C4orf36: variants seen among roughly 807,000 people sequenced by gnomAD.
The protein encoded by C4orf36 is uncharacterized protein C4orf36.
In C4orf36, 11 loss-of-function variants were observed where a neutral mutation model predicts 12.2. The observed-to-expected ratio is 0.90, with a 90% CI of 0.57 to 1.49. The LOEUF (loss-of-function observed/expected upper bound fraction) is 1.49. C4orf36 is among the 40% of genes most tolerant of loss of function. The pLI is 0.00. For synonymous variants in C4orf36, 54 were observed against 51.3 expected, an observed-to-expected ratio of 1.05 and a Z score of -0.22; for missense variants, 137 against 133.9, an observed-to-expected ratio of 1.02 and a Z score of -0.11.
chr4:86,878,792 T>G (rs1281016453), intron 4 of C4orf36, among the ~76,000 whole-genome samples: 5 of 152,204 alleles, frequency 3.3e-5, no homozygotes, highest in Non-Finnish European at 7.3e-5. Flanking sequence ...GGGGGGCCAC[T>G]GGGAACAAAG....
At chr4:86,927,771 C>G in the C4orf36 span, among the ~76,000 whole-genome samples, 1 of 149,194 alleles carries the variant, frequency 6.7e-6, no homozygotes, top group Non-Finnish European at 1.5e-5. Flanking sequence ...TGCACTCCAG[C>G]CTGGGCAACA....
chr4:86,898,832 TA>T, the C4orf36 span, among the ~76,000 whole-genome samples: 1,220 of 151,978 alleles, frequency 8.0e-3, 42 homozygotes, highest in East Asian at 0.049. Context: ...AAAGTAAAAA[TA>T]AAAATTTAAA....
the C4orf36 span, chr4:86,913,615 C>A: frequency 6.3e-6 from 9 of 1,421,096 alleles, no homozygotes; most frequent in Non-Finnish European, 8.9e-6. Context: ...CACTTAGGAG[C>A]AGCAGGAACT....
the C4orf36 span, among the ~76,000 whole-genome samples, chr4:86,910,647 G>A: frequency 1.3e-5 from 2 of 152,148 alleles, no homozygotes; most frequent in Non-Finnish European, 2.9e-5. Flanking sequence ...GAAGAAACAG[G>A]ATTTGAGGAG....
the C4orf36 span, among the ~76,000 whole-genome samples, chr4:86,902,438 A>AAAAAG: frequency 6.6e-6 from 1 of 150,390 alleles, no homozygotes; most frequent in African/African-American, 2.5e-5. Flanking sequence ...AAAAAAAAAA[A>AAAAAG]AAAAGAAAGA....
rs773897370 is a variant in C4orf36 at position 86,891,447 on chromosome 4, A to T, written c.65+9T>A. On this transcript the variant is annotated intron_variant, in intron 2 of 4. Transcript: ENST00000295898. ...TTACCCTGATTTAAAAAAAAAAAAT[A>T]GTACTTACACATTATAACAACTGCC... is the stretch of plus-strand genomic sequence containing the variant. The T allele has an allele frequency of 1.9e-6, 3 of 1,606,994 alleles. No homozygotes were observed. Among genetic ancestry groups the T allele is most frequent in the South Asian group, 1.1e-5 (1 of 88,806 alleles).
At position 86,891,446 on chromosome 4, in the gene C4orf36, T is replaced by C; in HGVS notation, c.65+10A>G. On this transcript the variant is annotated intron_variant, in intron 2 of 4. Transcript: ENST00000295898. ...CTTACCCTGATTTAAAAAAAAAAAATAGTACTTACACATTATAACAACTGC... is the reference window on the plus strand; with the variant it reads ...CTTACCCTGATTTAAAAAAAAAAAACAGTACTTACACATTATAACAACTGC... 1.9e-6 allele frequency: 3 copies of C among 1,596,178 alleles called. No homozygotes were observed. Among genetic ancestry groups the C allele is most frequent in the Non-Finnish European group, 2.6e-6 (3 of 1,171,548 alleles).
chr4:86,900,710 G>A, the C4orf36 span, among the ~76,000 whole-genome samples: 12 of 139,102 alleles, frequency 8.6e-5, no homozygotes, highest in Admixed American at 8.8e-4. Context: ...GAAGCTGCCC[G>A]CCCATGATGC....
the C4orf36 span, among the ~76,000 whole-genome samples, chr4:86,908,198 C>T: frequency 3.3e-5 from 5 of 150,742 alleles, no homozygotes; most frequent in African/African-American, 1.2e-4. Context: ...CACACACACA[C>T]ACACACACAC....
At chr4:86,922,791 T>C in the C4orf36 span, among the ~76,000 whole-genome samples, 7 of 152,256 alleles carry the variant, frequency 4.6e-5, no homozygotes, top group South Asian at 1.0e-3. Context: ...TTTACACATA[T>C]AATTTCTCTG....
chr4:86,921,149 G>C, the C4orf36 span, among the ~76,000 whole-genome samples: 6 of 147,134 alleles, frequency 4.1e-5, no homozygotes, highest in African/African-American at 1.5e-4. Context: ...TAGGCAACAA[G>C]AGTGAAACTC....
intron 2 of C4orf36, 39 bp from the exon 3 acceptor site, chr4:86,888,314 A>G (rs369388717): frequency 5.6e-5 from 88 of 1,577,756 alleles, no homozygotes; most frequent in Non-Finnish European, 7.5e-5. Context: ...ATAAATATTG[A>G]TTAAGCACCT....
chr4:86,902,755 C>T, the C4orf36 span, among the ~76,000 whole-genome samples: 1 of 152,182 alleles, frequency 6.6e-6, no homozygotes, highest in Non-Finnish European at 1.5e-5. Flanking sequence ...AACCCCCTTA[C>T]CCTGCTCTAA....
the C4orf36 span, among the ~76,000 whole-genome samples, chr4:86,921,176 A>T: frequency 6.6e-6 from 1 of 152,152 alleles, no homozygotes; most frequent in Admixed American, 6.6e-5. Context: ...AAAAAAAAAA[A>T]AAAAAGTTTT....
the C4orf36 span, among the ~76,000 whole-genome samples, chr4:86,917,451 A>AAAAG: frequency 2.1e-5 from 2 of 96,546 alleles, no homozygotes; most frequent in Admixed American, 2.5e-4. Flanking sequence ...GAGAAAGAGA[A>AAAAG]AAAGAAAGAA....
the C4orf36 span, among the ~76,000 whole-genome samples, chr4:86,926,688 G>T: frequency 6.6e-6 from 1 of 152,128 alleles, no homozygotes; most frequent in South Asian, 2.1e-4. Flanking sequence ...GCTGTCAGGT[G>T]AGTCTGCCAT....
upstream of C4orf36, chr4:86,892,442 G>A (rs949827204): frequency 1.0e-6 from 1 of 985,358 alleles, no homozygotes; most frequent in Non-Finnish European, 1.2e-6. Flanking sequence ...CGCGTCACAC[G>A]GGAGCCTCAA....
the C4orf36 span, among the ~76,000 whole-genome samples, chr4:86,921,541 T>C: frequency 1.3e-5 from 2 of 152,222 alleles, no homozygotes; most frequent in Non-Finnish European, 2.9e-5. Flanking sequence ...AATATACAAG[T>C]TGTTGGAGGT....
chr4:86,914,175 G>T, the C4orf36 span: 1 of 1,591,778 alleles, frequency 6.3e-7, no homozygotes, highest in Non-Finnish European at 8.6e-7. Flanking sequence ...GTTCCCTAGT[G>T]GGGACTACTT....
Sources: allele counts gnomAD v4.1 joint callset (sites outside exome capture counted in the v4.1 genomes callset), GRCh38; gene constraint gnomAD v4.1.1; transcripts MANE v1.5; gene names NCBI Gene and HGNC (gene_info 2026-07-23, HGNC 2026-07-21).